PDIA5: variants seen among roughly 807,000 people sequenced by gnomAD.
The protein encoded by PDIA5 is protein disulfide isomerase family A member 5, also known as protein disulfide-isomerase A5.
A neutral mutation model predicts 77.6 loss-of-function variants in PDIA5; 58 were observed. That is an observed-to-expected ratio of 0.75 (90% CI 0.61 to 0.93). The LOEUF (loss-of-function observed/expected upper bound fraction) is 0.93, where lower values mean the gene tolerates loss of function less well. PDIA5 is among the 40% of genes least tolerant of loss of function. The probability of loss-of-function intolerance (pLI) is 0.00; values close to 1 mark genes in which losing one functional copy is unlikely to be tolerated. For missense variants in PDIA5, 630 were observed against 647.7 expected (o/e 0.97, Z 0.30); for synonymous variants, 250 against 252.1 (o/e 0.99, Z 0.08).
chr3:123,154,943 C>G, intron 14 of PDIA5, 28 bp from the exon 15 acceptor site: 1 of 1,500,466 alleles, frequency 6.7e-7, no homozygotes, highest in Non-Finnish European at 9.3e-7. Flanking sequence ...CATCACAGTC[C>G]TGTGTGCTCT....
intron 2 of PDIA5, among the ~76,000 whole-genome samples, chr3:123,091,886 T>C (rs531803072): frequency 6.6e-6 from 1 of 152,328 alleles, no homozygotes; most frequent in Non-Finnish European, 1.5e-5. Context: ...AAGGATCTGA[T>C]CCTAGCTCTC....
intron 12 of PDIA5, 33 bp downstream of exon 12, chr3:123,145,625 C>G: frequency 6.5e-7 from 1 of 1,543,550 alleles, no homozygotes; most frequent in Non-Finnish European, 9.0e-7. Flanking sequence ...TCACCGTTCT[C>G]TTTGAAAGAA....
At chr3:123,149,263 A>G (rs544864915) in intron 13 of PDIA5, among the ~76,000 whole-genome samples, 1 of 152,348 alleles carries the variant, frequency 6.6e-6, no homozygotes, top group Non-Finnish European at 1.5e-5. Context: ...AGCTTGGATG[A>G]GAGGTGAGGC....
chr3:123,076,603 A>C (rs1462553305), intron 1 of PDIA5, among the ~76,000 whole-genome samples: 1 of 152,250 alleles, frequency 6.6e-6, no homozygotes, highest in Non-Finnish European at 1.5e-5. Flanking sequence ...AAATGAGATC[A>C]TGTGTGTAAA....
At chr3:123,130,022 C>T (rs187412664) in intron 10 of PDIA5, among the ~76,000 whole-genome samples, 3 of 152,196 alleles carry the variant, frequency 2.0e-5, no homozygotes, top group Non-Finnish European at 4.4e-5. Context: ...CTCCTCACCC[C>T]CTCCTCTCTG....
chr3:123,105,277 G>A (rs1934698658), intron 5 of PDIA5, among the ~76,000 whole-genome samples: 1 of 152,200 alleles, frequency 6.6e-6, no homozygotes, highest in African/African-American at 2.4e-5. Flanking sequence ...GAAGTCCCTT[G>A]TGCACCCTAG....
chr3:123,151,888 C>A (rs546060602), intron 14 of PDIA5, among the ~76,000 whole-genome samples: 64 of 139,884 alleles, frequency 4.6e-4, no homozygotes, highest in African/African-American at 1.6e-3. Context: ...TTCCTGCCTG[C>A]CTTCCTTCCT....
At chr3:123,082,936 T>G (rs1194957624) in intron 1 of PDIA5, among the ~76,000 whole-genome samples, 2 of 152,112 alleles carry the variant, frequency 1.3e-5, no homozygotes, top group Non-Finnish European at 2.9e-5. Flanking sequence ...GTGCTCTTTC[T>G]GTGGTGTCTG....
chr3:123,091,652 A>G (rs1441204888), intron 2 of PDIA5, among the ~76,000 whole-genome samples: 1 of 152,158 alleles, frequency 6.6e-6, no homozygotes, highest in African/African-American at 2.4e-5. Context: ...CTTTCTTGTG[A>G]TCACTCCATC....
chr3:123,111,076 T>TG, intron 7 of PDIA5, 72 bp downstream of exon 7: 7 of 690,922 alleles, frequency 1.0e-5, no homozygotes, highest in Non-Finnish European at 1.3e-5. Context: ...AGGTGGGGGT[T>TG]GCGGGCGGGG....
At chr3:123,070,465 GT>G (rs771476214) in intron 1 of PDIA5, among the ~76,000 whole-genome samples, 4 of 152,190 alleles carry the variant, frequency 2.6e-5, no homozygotes, top group Non-Finnish European at 4.4e-5. Flanking sequence ...TTTTTAAAAT[GT>G]TGCTTTGGGA....
chr3:123,140,328 G>A (rs1421743554), intron 11 of PDIA5, among the ~76,000 whole-genome samples: 1 of 152,132 alleles, frequency 6.6e-6, no homozygotes, highest in Non-Finnish European at 1.5e-5. Context: ...ACCTGTGATA[G>A]GAAGCCACTG....
At chr3:123,135,718 A>G (rs1935483411) in intron 11 of PDIA5, among the ~76,000 whole-genome samples, 1 of 139,890 alleles carries the variant, frequency 7.1e-6, no homozygotes, top group East Asian at 2.1e-4. Flanking sequence ...GAAACTACCT[A>G]TAATCCCCAT....
rs2107941753 is a variant in PDIA5, at chr3:123,110,925, T to C, written c.481-19T>C. The C allele has an allele frequency of 6.2e-7, 1 of 1,608,918 alleles. No individual in the cohort carries two copies. The highest frequency in any genetic ancestry group is 8.5e-7 in the Non-Finnish European group (1 of 1,175,346). On this transcript the variant is annotated intron_variant, in intron 6 of 16. Coordinates refer to ENST00000316218, the MANE Select transcript of PDIA5 (RefSeq NM_006810.4). ...CTGTGTTGTGTGCGAGCTGCTGGTA[T>C]TCTCTTTTTGTGCCTCAGGACTTCA...
intron 8 of PDIA5, among the ~76,000 whole-genome samples, chr3:123,123,124 T>G (rs1311496078): frequency 6.6e-6 from 1 of 151,892 alleles, no homozygotes; most frequent in Non-Finnish European, 1.5e-5. Context: ...AAAAGAAAAA[T>G]ATACTAGCCG....
At chr3:123,159,834 C>T (rs1445316128) in intron 15 of PDIA5, among the ~76,000 whole-genome samples, 6 of 152,186 alleles carry the variant, frequency 3.9e-5, no homozygotes, top group Non-Finnish European at 7.3e-5. Flanking sequence ...CTCTTCTCTT[C>T]AGCTATCCAT....
At chr3:123,142,689 T>C (rs1246414343) in intron 11 of PDIA5, among the ~76,000 whole-genome samples, 1 of 152,200 alleles carries the variant, frequency 6.6e-6, no homozygotes, top group East Asian at 1.9e-4. Flanking sequence ...AGCCAGGCTG[T>C]CTTGCCCAGC....
chr3:123,161,914 G>C lies in PDIA5; in HGVS notation c.1514G>C (p.Arg505Pro), dbSNP rs781204365. 3 of 1,605,660 alleles carry C rather than the reference G, an allele frequency of 1.9e-6. No homozygotes were observed. Reference sequence around the variant, plus strand: ...TTTACCAATTATATTCGAGCCCTCCGGGAGGGAGACCATGAAAGACTAGGG... The same window carrying C: ...TTTACCAATTATATTCGAGCCCTCCCGGAGGGAGACCATGAAAGACTAGGG... ...LGFTNYIRAL[R>P]EGDHERLGKK... Residue 505 changes from arginine (R) to proline (P), a missense_variant, in exon 17 of 17, where the codon CGG becomes CCG. Physicochemically the swap from Arg to Pro is moderately radical, Grantham distance 103 (BLOSUM62 -2). Transcript: ENST00000316218.
At chr3:123,114,201 A>G (rs1179481520) in intron 7 of PDIA5, among the ~76,000 whole-genome samples, 1 of 152,222 alleles carries the variant, frequency 6.6e-6, no homozygotes, top group East Asian at 1.9e-4. Context: ...GATAGTAAAT[A>G]AAGTTCTTGA....
Sources: gnomAD v4.1 joint callset for allele counts (sites outside exome capture counted in the v4.1 genomes callset) on GRCh38, gnomAD v4.1.1 for gene constraint, MANE v1.5 for transcripts, NCBI Gene and HGNC (gene_info 2026-07-23, HGNC 2026-07-21) for gene names.